Variants in GLRB observed in about 807,000 individuals in gnomAD.
GLRB encodes the protein glycine receptor beta, also known as glycine receptor subunit beta.
GLRB carries 33 observed loss-of-function variants against 54.2 expected under a neutral mutation model. The observed-to-expected ratio is 0.61, with a 90% CI of 0.46 to 0.81. The LOEUF (loss-of-function observed/expected upper bound fraction) is 0.81, where lower values mean the gene tolerates loss of function less well. Ranked by LOEUF, GLRB falls within the 40% of genes least tolerant of loss-of-function variation. The pLI is 0.00. For missense variants in GLRB, 572 were observed against 584.6 expected (o/e 0.98, Z 0.22); for synonymous variants, 209 against 208.2 (o/e 1.00, Z -0.03).
rs377123223 is a variant in GLRB at position 157,138,916 on chromosome 4, T to C, written c.718T>C (p.Tyr240His). ...QFDIKKEDIE[Y>H]GNCTKYYKGT... ...TGATATCAAAAAGGAAGATATTGAA[T>C]ATGGTAACTGTACAAAATACTATAA... is the stretch of plus-strand genomic sequence containing the variant. The change falls in exon 7 of 10, where the codon TAT becomes CAT. Residue 240 changes from tyrosine to histidine, a missense_variant. By Grantham distance (83) the Tyr-to-His change is moderately conservative. Coordinates refer to ENST00000264428, the MANE Select transcript of GLRB (RefSeq NM_000824.5). The C allele has an allele frequency of 3.4e-6, 5 of 1,474,540 alleles. No individual in the cohort carries two copies. Among genetic ancestry groups the C allele is most frequent in the Non-Finnish European group, 4.7e-6 (5 of 1,054,174 alleles). 91.3% of individuals were successfully genotyped at this position (1,474,540 alleles called of 1,614,324 possible). A position where few individuals can be genotyped will look rare whatever the true frequency, so the allele number is the denominator to read the frequency against.
rs3054934 is a variant in GLRB, at chr4:157,163,829, A to AGTGTGTGTGTGTGTGTGTGTGT, written c.1198-6600_1198-6579dup. Among the ~76,000 whole-genome samples, 1,214 of 146,366 alleles carry AGTGTGTGTGTGTGTGTGTGTGT rather than the reference A, an allele frequency of 8.3e-3. 22 individuals carry two copies. The highest frequency in any genetic ancestry group is 0.027 in the African/African-American group (1,079 of 39,370). On this transcript the variant is annotated intron_variant, in intron 9 of 9. Coordinates refer to ENST00000264428, the MANE Select transcript of GLRB (RefSeq NM_000824.5). ...CTCCCTTTTATAGTCTGTCTGTGTG[A>AGTGTGTGTGTGTGTGTGTGTGT]GTGTGTGTGTGTGTGTGTGTGTGTT...
At chr4:157,081,260 C>G (rs750259410) in intron 2 of GLRB, among the ~76,000 whole-genome samples, 1 of 152,090 alleles carries the variant, frequency 6.6e-6, no homozygotes, top group South Asian at 2.1e-4. Flanking sequence ...ATCTTTTGGT[C>G]TTTCCTCTGA....
chr4:157,084,442 A>G (rs1050494477), intron 2 of GLRB, among the ~76,000 whole-genome samples: 2 of 152,198 alleles, frequency 1.3e-5, no homozygotes, highest in African/African-American at 4.8e-5. Context: ...TATTATTTAC[A>G]GTAGTGTTAG....
At chr4:157,141,943 A>G (rs1429769589) in intron 7 of GLRB, among the ~76,000 whole-genome samples, 3 of 152,094 alleles carry the variant, frequency 2.0e-5, no homozygotes, top group African/African-American at 7.2e-5. Context: ...GCTACTTTGT[A>G]GTAAATCGTT....
At chr4:157,118,028 A>G (rs920786136) in intron 2 of GLRB, among the ~76,000 whole-genome samples, 8 of 151,702 alleles carry the variant, frequency 5.3e-5, no homozygotes, top group Admixed American at 1.3e-4. Context: ...GGAAGTTACA[A>G]TATTCCAGGA....
intron 9 of GLRB, among the ~76,000 whole-genome samples, chr4:157,168,460 C>T (rs1357496195): frequency 6.6e-6 from 1 of 151,762 alleles, no homozygotes; most frequent in Non-Finnish European, 1.5e-5. Context: ...TTACTGGTAA[C>T]AAAAATGAGG....
intron 2 of GLRB, among the ~76,000 whole-genome samples, chr4:157,091,710 C>T (rs940231773): frequency 6.6e-6 from 1 of 152,150 alleles, no homozygotes; most frequent in African/African-American, 2.4e-5. Context: ...TCACTTACTT[C>T]GTTGCTTGTG....
chr4:157,090,365 T>C (rs1734567047), intron 2 of GLRB, among the ~76,000 whole-genome samples: 1 of 152,234 alleles, frequency 6.6e-6, no homozygotes, highest in African/African-American at 2.4e-5. Context: ...TGTTTAACGG[T>C]AGCAAATCAG....
At chr4:157,109,537 T>C (rs1434280035) in intron 2 of GLRB, among the ~76,000 whole-genome samples, 7 of 151,950 alleles carry the variant, frequency 4.6e-5, no homozygotes, top group African/African-American at 1.7e-4. Flanking sequence ...ACCAGTCAGT[T>C]CTCTAGGGGA....
chr4:157,113,307 G>A (rs185217968), intron 2 of GLRB, among the ~76,000 whole-genome samples: 19 of 152,028 alleles, frequency 1.2e-4, no homozygotes, highest in Non-Finnish European at 1.6e-4. Context: ...ATTCTATTCT[G>A]TAGAGTATGG....
At chr4:157,117,186 C>T (rs1317708722) in intron 2 of GLRB, among the ~76,000 whole-genome samples, 1 of 151,278 alleles carries the variant, frequency 6.6e-6, no homozygotes, top group East Asian at 2.0e-4. Flanking sequence ...ATACATATGC[C>T]CTAAAGCAAT....
intron 4 of GLRB, among the ~76,000 whole-genome samples, chr4:157,131,778 G>C (rs922175135): frequency 8.6e-5 from 13 of 151,662 alleles, no homozygotes; most frequent in Non-Finnish European, 1.3e-4. Flanking sequence ...TTTTAACACT[G>C]AATAATATTC....
At chr4:157,156,522 G>A (rs1737233391) in intron 9 of GLRB, among the ~76,000 whole-genome samples, 2 of 152,018 alleles carry the variant, frequency 1.3e-5, no homozygotes, top group Admixed American at 6.6e-5. Flanking sequence ...TAATTCAGAC[G>A]CCCTTTATTT....
At chr4:157,159,893 G>A (rs911756752) in intron 9 of GLRB, among the ~76,000 whole-genome samples, 14 of 152,150 alleles carry the variant, frequency 9.2e-5, no homozygotes, top group African/African-American at 3.4e-4. Context: ...GATTGGAATA[G>A]TTTCAGAAGG....
chr4:157,080,559 A>T (rs1734187264), intron 2 of GLRB, among the ~76,000 whole-genome samples: 1 of 152,198 alleles, frequency 6.6e-6, no homozygotes, highest in Non-Finnish European at 1.5e-5. Context: ...AATTTATTTC[A>T]GATGCCTTGA....
chr4:157,125,857 A>G (rs1314650960), intron 4 of GLRB, among the ~76,000 whole-genome samples: 5 of 152,000 alleles, frequency 3.3e-5, no homozygotes, highest in Non-Finnish European at 7.4e-5. Flanking sequence ...CTGAGGCTGG[A>G]GAATCACTTG....
At chr4:157,101,586 A>G (rs1735027275) in intron 2 of GLRB, among the ~76,000 whole-genome samples, 2 of 152,040 alleles carry the variant, frequency 1.3e-5, no homozygotes, top group East Asian at 3.9e-4. Flanking sequence ...TGAGATTTAG[A>G]TCTCATTGCC....
intron 5 of GLRB, 47 bp from the exon 6 acceptor site, chr4:157,136,757 A>G: frequency 6.7e-7 from 1 of 1,495,808 alleles, no homozygotes; most frequent in Non-Finnish European, 9.3e-7. Flanking sequence ...TCAATGGATG[A>G]CAGAGAAGTA....
chr4:157,127,355 A>G (rs1372032442), intron 4 of GLRB, among the ~76,000 whole-genome samples: 1 of 151,636 alleles, frequency 6.6e-6, no homozygotes, highest in Non-Finnish European at 1.5e-5. Context: ...TAAACATTAA[A>G]CTGATTTCAT....
Sources: gnomAD v4.1 joint callset for allele counts (sites outside exome capture counted in the v4.1 genomes callset) on GRCh38, gnomAD v4.1.1 for gene constraint, MANE v1.5 for transcripts, NCBI Gene and HGNC (gene_info 2026-07-23, HGNC 2026-07-21) for gene names.